Variants in MOK observed in about 807,000 individuals in gnomAD.
The protein encoded by MOK is MAPK/MAK/MRK overlapping kinase.
In MOK, 59 loss-of-function variants were observed where a neutral mutation model predicts 54.2. The observed-to-expected ratio is 1.09, with a 90% CI of 0.88 to 1.35. The LOEUF is 1.35. MOK is among the 40% of genes most tolerant of loss of function. The pLI is 0.00. For synonymous variants in MOK, 210 were observed against 202.7 expected (o/e 1.04, Z -0.31); for missense variants, 517 against 526.2 (o/e 0.98, Z 0.17).
downstream of MOK, among the ~76,000 whole-genome samples, chr14:102,222,322 G>A (rs961338211): frequency 2.6e-5 from 4 of 152,164 alleles, no homozygotes; most frequent in Admixed American, 6.5e-5. This position sits in a 1 kb window ranked among gnomAD's most constrained non-coding sequence, Gnocchi z 4.4. Context: ...GGGGTGCCAC[G>A]GTCACACCAC....
intron 7 of MOK, among the ~76,000 whole-genome samples, chr14:102,243,397 A>G (rs2065862320): frequency 6.6e-6 from 1 of 152,178 alleles, no homozygotes; most frequent in African/African-American, 2.4e-5. Flanking sequence ...TTCTTACACA[A>G]GAGCCGGGAC....
intron 1 of MOK, among the ~76,000 whole-genome samples, chr14:102,293,179 T>C (rs899920961): frequency 1.3e-5 from 2 of 152,098 alleles, no homozygotes; most frequent in African/African-American, 4.8e-5. Context: ...TAAACAAAGA[T>C]GGTATTCACA....
At position 102,240,889 on chromosome 14, in the gene MOK, CCTT is replaced by C. The variant is rs1295687859; in HGVS notation, c.591-7103_591-7101del. Among the ~76,000 whole-genome samples the C allele has an allele frequency of 3.9e-5, 6 of 152,174 alleles. No homozygotes were observed. Among genetic ancestry groups the C allele is most frequent in the South Asian group, 2.1e-4 (1 of 4,822 alleles). ...GGGCAACCTTCCACCCTCCATTCCCCCTTCTTCTTCCTTAGGCTGTATTCTCAA... is the reference window on the plus strand; with the variant it reads ...GGGCAACCTTCCACCCTCCATTCCCCCTTCTTCCTTAGGCTGTATTCTCAA... On this transcript the variant is annotated intron_variant, in intron 7 of 11. Coordinates refer to ENST00000361847, the MANE Select transcript of MOK (RefSeq NM_014226.3). This position sits in a 1 kb window ranked among gnomAD's most constrained non-coding sequence, Gnocchi z 5.4.
At chr14:102,268,430 C>T (rs1046231889) in intron 2 of MOK, among the ~76,000 whole-genome samples, 3 of 151,370 alleles carry the variant, frequency 2.0e-5, no homozygotes, top group Admixed American at 6.6e-5. Context: ...CTTGGAGTTG[C>T]GTTGAATTTT....
intron 1 of MOK, among the ~76,000 whole-genome samples, chr14:102,298,521 A>C (rs142702814): frequency 6.4e-4 from 97 of 152,286 alleles, no homozygotes; most frequent in African/African-American, 2.3e-3. Context: ...AGCTGATCTC[A>C]CGGGGACTTG....
At chr14:102,241,761 A>G (rs2098496017) in intron 7 of MOK, among the ~76,000 whole-genome samples, 1 of 152,240 alleles carries the variant, frequency 6.6e-6, no homozygotes, top group South Asian at 2.1e-4. Context: ...GCAGCCAAGT[A>G]GCAATGAATT....
In MOK at chr14:102,289,744, C is replaced by T. The variant is rs572331112; in HGVS notation, c.8-6152G>A. Among the ~76,000 whole-genome samples, 26 of 152,112 alleles carry T rather than the reference C, an allele frequency of 1.7e-4. No individual in the cohort carries two copies. In the South Asian group the frequency reaches 4.4e-3, roughly 26 times the overall value. ...ACCTCAGGTAATCCACCCGCCTCAG[C>T]TTCCCACCCGCCTCACCCTCCCAAA... On this transcript the variant is annotated intron_variant, in intron 1 of 11. Transcript: ENST00000361847.
intron 2 of MOK, 87 bp downstream of exon 2, chr14:102,283,391 T>C: frequency 1.3e-6 from 1 of 774,888 alleles, no homozygotes; most frequent in Non-Finnish European, 2.1e-6. Context: ...ATTATTAAAT[T>C]AATAAAGCTC....
intron 1 of MOK, among the ~76,000 whole-genome samples, chr14:102,293,019 G>A (rs1188753734): frequency 6.6e-6 from 1 of 152,158 alleles, no homozygotes; most frequent in Non-Finnish European, 1.5e-5. Context: ...TGCAATCCCA[G>A]CTGCTAGCAA....
chr14:102,258,449 C>A (rs2067139981), intron 4 of MOK, among the ~76,000 whole-genome samples: 1 of 151,024 alleles, frequency 6.6e-6, no homozygotes, highest in African/African-American at 2.5e-5. Context: ...ATCTGGAATT[C>A]TTGATCATTT....
Position 102,250,808 on chromosome 14 carries a change from C to T in MOK, c.590+4G>A, listed in dbSNP as rs758146938. The stretch of plus-strand genomic sequence containing the variant: ...AACCAGGCAGGAGCCTGGCCTGGTG[C>T]TACCTGGCGATCTCGTAGAACACAC... On this transcript the variant is annotated splice_donor_region_variant and intron_variant, in intron 7 of 11. Coordinates refer to ENST00000361847, the MANE Select transcript of MOK (RefSeq NM_014226.3). 6.2e-7 allele frequency: 1 copy of T among 1,612,442 alleles called. No homozygotes were observed.
intron 1 of MOK, among the ~76,000 whole-genome samples, chr14:102,296,333 A>G (rs2071414420): frequency 6.6e-6 from 1 of 152,068 alleles, no homozygotes. Context: ...TACAAGCTAC[A>G]ATACAACATA....
At chr14:102,244,011 C>T (rs1480938665) in intron 7 of MOK, among the ~76,000 whole-genome samples, 2 of 152,206 alleles carry the variant, frequency 1.3e-5, no homozygotes, top group Non-Finnish European at 2.9e-5. Context: ...CTAAACATGC[C>T]TTCCATATCC....
intron 4 of MOK, among the ~76,000 whole-genome samples, chr14:102,254,623 G>A (rs777368927): frequency 2.0e-5 from 3 of 152,046 alleles, no homozygotes; most frequent in Non-Finnish European, 4.4e-5. Context: ...AGGGTTCTCA[G>A]ACTCCCACGA....
At chr14:102,275,144 T>G (rs186393251) in intron 2 of MOK, among the ~76,000 whole-genome samples, 3 of 152,226 alleles carry the variant, frequency 2.0e-5, no homozygotes, top group African/African-American at 7.2e-5. Flanking sequence ...AATTAGCTTT[T>G]GACAAAATAA....
intron 7 of MOK, among the ~76,000 whole-genome samples, chr14:102,237,678 C>T (rs1181951223): frequency 6.6e-6 from 1 of 152,232 alleles, no homozygotes; most frequent in Non-Finnish European, 1.5e-5. Flanking sequence ...CTCTCACACT[C>T]TATACTGCCA....
intron 4 of MOK, among the ~76,000 whole-genome samples, chr14:102,257,610 C>T (rs978629669): frequency 7.2e-5 from 11 of 152,180 alleles, no homozygotes; most frequent in African/African-American, 2.4e-4. Flanking sequence ...AAAGATGCTA[C>T]TCAAAGCACA....
At position 102,249,619 on chromosome 14, in the gene MOK, G is replaced by C. The variant is rs999007932; in HGVS notation, c.590+1193C>G. 6.6e-6 allele frequency among the ~76,000 whole-genome samples: 1 copy of C among 152,336 alleles called. No individual in the cohort carries two copies. Among genetic ancestry groups the C allele is most frequent in the Middle Eastern group, 3.4e-3 (1 of 294 alleles). On this transcript the variant is annotated intron_variant, in intron 7 of 11. Transcript: ENST00000361847. This position sits in a 1 kb window ranked among gnomAD's most constrained non-coding sequence, Gnocchi z 5.3. ...AGCTACTTGGGGGGCTGAGGCAGGA[G>C]AATCGCTAGAACCCGGGAGGCGGAG...
the MOK span, among the ~76,000 whole-genome samples, chr14:102,217,474 G>A: frequency 6.6e-6 from 1 of 152,168 alleles, no homozygotes; most frequent in Non-Finnish European, 1.5e-5. Context: ...GGCAAGTGTG[G>A]CCCCTCACTG....
Sources: gnomAD v4.1 joint callset for allele counts (sites outside exome capture counted in the v4.1 genomes callset) on GRCh38, gnomAD v4.1.1 for gene constraint, Gnocchi (gnomAD v3.1) non-coding constraint, MANE v1.5 for transcripts, NCBI Gene and HGNC (gene_info 2026-07-23, HGNC 2026-07-21) for gene names.